Variants in TTC29 observed in about 807,000 individuals in gnomAD.
TTC29 encodes tetratricopeptide repeat domain 29.
TTC29 carries 49 observed loss-of-function variants against 58.1 expected under a neutral mutation model. That is an observed-to-expected ratio of 0.84 (90% confidence interval 0.67 to 1.07). The LOEUF is 1.07. Among genes scored for constraint, TTC29 ranks in the 50% least tolerant of loss-of-function variants. The pLI is 0.00. For synonymous variants in TTC29, 209 were observed against 196.8 expected (o/e 1.06, Z -0.52); for missense variants, 582 against 555.6 (o/e 1.05, Z -0.48).
intron 8 of TTC29, among the ~76,000 whole-genome samples, chr4:146,852,703 T>C (rs1229238426): frequency 6.6e-6 from 1 of 152,228 alleles, no homozygotes; most frequent in Non-Finnish European, 1.5e-5. Context: ...TAATGCAGTC[T>C]TGCACTACAG....
chr4:146,732,375 C>T (rs757496427), intron 11 of TTC29, among the ~76,000 whole-genome samples: 27 of 151,948 alleles, frequency 1.8e-4, no homozygotes, highest in Admixed American at 3.9e-4. Flanking sequence ...TTTTCTTGTT[C>T]CCAAAGATTA....
rs939398756 is a variant in TTC29 at position 146,867,616 on chromosome 4, T to C, written c.800-33A>G. 5 of 1,034,420 alleles carry C rather than the reference T, an allele frequency of 4.8e-6. No homozygotes were observed. The African/African-American group carries it at 8.3e-5, about 17-fold the overall frequency. 64.1% of individuals were successfully genotyped at this position (1,034,420 alleles called of 1,614,324 possible). A position where few individuals can be genotyped will look rare whatever the true frequency, so the allele number is the denominator to read the frequency against. On this transcript the variant is annotated intron_variant, in intron 7 of 12. Coordinates refer to ENST00000325106, the MANE Select transcript of TTC29 (RefSeq NM_031956.4). ...GAAGATGTAAAAAAATTACCAAGTATTCAATAAATGATTTATTACAACAAA... is the reference window on the plus strand; with the variant it reads ...GAAGATGTAAAAAAATTACCAAGTACTCAATAAATGATTTATTACAACAAA...
At chr4:146,939,394 G>A (rs1306291839) in intron 3 of TTC29, among the ~76,000 whole-genome samples, 2 of 152,166 alleles carry the variant, frequency 1.3e-5, no homozygotes, top group Non-Finnish European at 2.9e-5. Context: ...GGCAGAGATT[G>A]CAGTGAGCTG....
chr4:146,763,072 C>T (rs1747028221), intron 11 of TTC29, among the ~76,000 whole-genome samples: 1 of 151,888 alleles, frequency 6.6e-6, no homozygotes, highest in Non-Finnish European at 1.5e-5. Flanking sequence ...TTTTAGATAC[C>T]CAGAACTTCT....
Position 146,748,641 on chromosome 4 carries a change from G to A in TTC29, c.1331-41090C>T, listed in dbSNP as rs1014296610. 3.9e-5 allele frequency among the ~76,000 whole-genome samples: 6 copies of A among 152,190 alleles called. No individual in the cohort carries two copies. In the South Asian group the frequency reaches 1.0e-3, roughly 26 times the overall value. ...CCTGCAGTCCTCACTAACATTGAGT[G>A]CAACTGAAGAAGCTACATGGAGACT... On this transcript the variant is annotated intron_variant, in intron 11 of 12. Coordinates refer to ENST00000325106, the MANE Select transcript of TTC29 (RefSeq NM_031956.4).
At chr4:146,799,521 A>C (rs959152526) in intron 11 of TTC29, among the ~76,000 whole-genome samples, 1 of 152,234 alleles carries the variant, frequency 6.6e-6, no homozygotes, top group Non-Finnish European at 1.5e-5. Flanking sequence ...GGTTTTGATC[A>C]TTCTCTTTTA....
chr4:146,803,786 A>G, intron 10 of TTC29, 101 bp from the exon 11 acceptor site: 1 of 818,710 alleles, frequency 1.2e-6, no homozygotes, highest in Non-Finnish European at 1.8e-6. Flanking sequence ...ACCTTTCGAC[A>G]GTTACAGCAG....
At chr4:146,910,807 A>T (rs1243419726) in intron 4 of TTC29, among the ~76,000 whole-genome samples, 1 of 152,214 alleles carries the variant, frequency 6.6e-6, no homozygotes, top group Non-Finnish European at 1.5e-5. Flanking sequence ...AAATGCCAAC[A>T]TTTAGTATGA....
intron 11 of TTC29, among the ~76,000 whole-genome samples, chr4:146,757,845 T>A (rs1231231669): frequency 6.6e-6 from 1 of 151,246 alleles, no homozygotes; most frequent in Non-Finnish European, 1.5e-5. Context: ...TGGAAACACA[T>A]CAAAATAAAA....
At chr4:146,750,835 A>G (rs1361623640) in intron 11 of TTC29, among the ~76,000 whole-genome samples, 1 of 152,240 alleles carries the variant, frequency 6.6e-6, no homozygotes, top group Non-Finnish European at 1.5e-5. Context: ...CAATCTGAAA[A>G]CAACAAAATG....
intron 9 of TTC29, among the ~76,000 whole-genome samples, chr4:146,827,653 A>G (rs536019217): frequency 2.6e-5 from 4 of 152,206 alleles, no homozygotes; most frequent in Non-Finnish European, 5.9e-5. Flanking sequence ...TTGTCTCTTC[A>G]TTTCAAAAAT....
intron 6 of TTC29, among the ~76,000 whole-genome samples, chr4:146,898,538 C>G (rs1732925906): frequency 6.6e-6 from 1 of 152,216 alleles, no homozygotes; most frequent in Non-Finnish European, 1.5e-5. Context: ...AGCCTTTACT[C>G]CAACTCTGTA....
At chr4:146,798,597 A>C (rs1749987378) in intron 11 of TTC29, among the ~76,000 whole-genome samples, 1 of 152,082 alleles carries the variant, frequency 6.6e-6, no homozygotes, top group Non-Finnish European at 1.5e-5. Context: ...AAAGACTACA[A>C]AATACTGGCC....
chr4:146,926,520 T>C (rs1359050463), intron 4 of TTC29, among the ~76,000 whole-genome samples: 1 of 152,128 alleles, frequency 6.6e-6, no homozygotes, highest in Non-Finnish European at 1.5e-5. Flanking sequence ...TCGCCCAGGC[T>C]GGAGAGTGCA....
chr4:146,720,911 T>G (rs577689056), intron 11 of TTC29, among the ~76,000 whole-genome samples: 1 of 152,236 alleles, frequency 6.6e-6, no homozygotes, highest in East Asian at 1.9e-4. Context: ...AGATATTCAT[T>G]GAGAACCCAA....
intron 6 of TTC29, among the ~76,000 whole-genome samples, chr4:146,892,335 T>G (rs554120088): frequency 3.3e-5 from 5 of 152,252 alleles, no homozygotes; most frequent in African/African-American, 1.2e-4. Flanking sequence ...ATTGAACCTC[T>G]TTTCTTTATA....
chr4:146,733,843 G>T (rs1054608084), intron 11 of TTC29, among the ~76,000 whole-genome samples: 1 of 151,978 alleles, frequency 6.6e-6, no homozygotes. Flanking sequence ...AGATTATGGG[G>T]GTCTCTTTCA....
At chr4:146,770,634 A>G (rs1305481077) in intron 11 of TTC29, among the ~76,000 whole-genome samples, 1 of 152,022 alleles carries the variant, frequency 6.6e-6, no homozygotes, top group East Asian at 1.9e-4. Context: ...AGAGTCAGTG[A>G]CCAAGTAGGG....
intron 11 of TTC29, among the ~76,000 whole-genome samples, chr4:146,802,257 C>T (rs974112706): frequency 6.6e-6 from 1 of 151,988 alleles, no homozygotes; most frequent in Non-Finnish European, 1.5e-5. Flanking sequence ...AATATGCGAA[C>T]CTGAAGGATA....
Sources: allele counts gnomAD v4.1 joint callset (sites outside exome capture counted in the v4.1 genomes callset), GRCh38; gene constraint gnomAD v4.1.1; transcripts MANE v1.5; gene names NCBI Gene and HGNC (gene_info 2026-07-23, HGNC 2026-07-21).